Variants in GRAMD1C observed in about 807,000 individuals in gnomAD.
GRAMD1C encodes GRAM domain containing 1C.
A neutral mutation model predicts 97.8 loss-of-function variants in GRAMD1C; 89 were observed. The ratio of observed to expected loss-of-function variants is 0.91; its 90% CI spans 0.77 to 1.09. The LOEUF is 1.09. Ranked by LOEUF, GRAMD1C falls within the 50% of genes least tolerant of loss-of-function variation. The pLI is 0.00. For missense variants in GRAMD1C, 740 were observed against 766.4 expected, an observed-to-expected ratio of 0.97 and a Z score of 0.41; for synonymous variants, 256 against 267.0, an observed-to-expected ratio of 0.96 and a Z score of 0.40.
intron 2 of GRAMD1C, among the ~76,000 whole-genome samples, chr3:113,854,180 A>C (rs1022550929): frequency 4.6e-5 from 7 of 151,846 alleles, no homozygotes; most frequent in African/African-American, 1.5e-4. Context: ...TGCATGTTTG[A>C]TATATGGATA....
At chr3:113,863,898 C>G (rs1934490440) in intron 2 of GRAMD1C, among the ~76,000 whole-genome samples, 1 of 152,130 alleles carries the variant, frequency 6.6e-6, no homozygotes, top group African/African-American at 2.4e-5. Context: ...CAGAAGGTCC[C>G]TTTTAGCTAT....
At chr3:113,904,345 G>T in intron 8 of GRAMD1C, 73 bp downstream of exon 8, 1 of 1,050,226 alleles carries the variant, frequency 9.5e-7, no homozygotes. Flanking sequence ...GATAAATAAG[G>T]ATACAGTATA....
At chr3:113,854,474 C>G (rs1185941493) in intron 2 of GRAMD1C, among the ~76,000 whole-genome samples, 2 of 152,054 alleles carry the variant, frequency 1.3e-5, no homozygotes, top group African/African-American at 4.8e-5. Flanking sequence ...GTGAAGGAAG[C>G]CTTTCAAGGA....
chr3:113,904,564 G>C (rs1446450193), intron 8 of GRAMD1C, among the ~76,000 whole-genome samples: 1 of 151,536 alleles, frequency 6.6e-6, no homozygotes, highest in East Asian at 1.9e-4. Context: ...TTTGTAAGTA[G>C]CAGAATTTTC....
At chr3:113,857,625 C>G (rs1024398384) in intron 2 of GRAMD1C, among the ~76,000 whole-genome samples, 3 of 152,282 alleles carry the variant, frequency 2.0e-5, no homozygotes, top group African/African-American at 7.2e-5. Context: ...ATCCTCCCAC[C>G]TTGGCCTCCC....
At chr3:113,832,216 T>C (rs1386293525) in intron 1 of GRAMD1C, among the ~76,000 whole-genome samples, 2 of 151,934 alleles carry the variant, frequency 1.3e-5, no homozygotes, top group Admixed American at 6.6e-5. Context: ...TTAGTAGAGA[T>C]AGGGTTTCAC....
intron 6 of GRAMD1C, among the ~76,000 whole-genome samples, chr3:113,898,294 T>G (rs1936014598): frequency 6.6e-6 from 1 of 152,180 alleles, no homozygotes. Flanking sequence ...TGTAATCGTT[T>G]GATATCTATT....
chr3:113,869,586 T>C lies in GRAMD1C; in HGVS notation c.254T>C (p.Ile85Thr), dbSNP rs1419300430. ...FTHLPDTERL[I>T]ADYACALQRD... ...CATCTACCTGATACAGAGAGGCTGA[T>C]AGCAGGTAAAATAGAAATTTTCAAA... is the stretch of plus-strand genomic sequence containing the variant. The change falls in exon 3 of 18, where the codon ATA (isoleucine) becomes ACA (threonine). Residue 85 changes from isoleucine to threonine, a missense_variant. By Grantham distance (89) the Ile-to-Thr change is moderately conservative. Coordinates refer to ENST00000358160, the MANE Select transcript of GRAMD1C (RefSeq NM_017577.5). 4.2e-6 allele frequency: 6 copies of C among 1,442,364 alleles called. No homozygotes were observed. The highest frequency in any genetic ancestry group is 1.4e-5 in the African/African-American group (1 of 70,096). The allele number at this position is 1,442,364 out of a possible 1,614,324, so 89.3% of individuals were successfully genotyped here.
At chr3:113,851,652 G>A (rs537724839) in intron 2 of GRAMD1C, among the ~76,000 whole-genome samples, 1 of 151,092 alleles carries the variant, frequency 6.6e-6, no homozygotes, top group South Asian at 2.1e-4. Context: ...CTGAGTAGCT[G>A]GGACTACAGG....
chr3:113,857,164 A>C (rs536597256), intron 2 of GRAMD1C, among the ~76,000 whole-genome samples: 39 of 130,088 alleles, frequency 3.0e-4, no homozygotes, highest in East Asian at 1.0e-3. Flanking sequence ...TTCCTTAAAA[A>C]AAACAAACAA....
At chr3:113,828,558 C>G (rs1051213608) in intron 1 of GRAMD1C, among the ~76,000 whole-genome samples, 2 of 152,204 alleles carry the variant, frequency 1.3e-5, no homozygotes, top group Non-Finnish European at 2.9e-5. Flanking sequence ...CTTCCAGACT[C>G]TTTTCCTTCA....
chr3:113,901,202 T>C (rs150443234), intron 7 of GRAMD1C, 56 bp downstream of exon 7: 1 of 899,756 alleles, frequency 1.1e-6, no homozygotes, highest in East Asian at 2.5e-5. Flanking sequence ...CAAAGCAGAA[T>C]TATTTTACAT....
chr3:113,921,832 T>C (rs1245371894), intron 10 of GRAMD1C, among the ~76,000 whole-genome samples: 1 of 152,224 alleles, frequency 6.6e-6, no homozygotes, highest in Non-Finnish European at 1.5e-5. Context: ...TATTAATTTC[T>C]TTAAGTTCCT....
At chr3:113,920,924 C>A (rs1471198305) in intron 10 of GRAMD1C, among the ~76,000 whole-genome samples, 1 of 152,092 alleles carries the variant, frequency 6.6e-6, no homozygotes. Context: ...TGTTTCTGAT[C>A]TTTTAGTTTC....
intron 8 of GRAMD1C, among the ~76,000 whole-genome samples, chr3:113,905,190 C>T (rs890362108): frequency 6.6e-6 from 1 of 152,202 alleles, no homozygotes; most frequent in African/African-American, 2.4e-5. Flanking sequence ...TTATTTGATT[C>T]TCAGTTTGCT....
In GRAMD1C at chr3:113,865,649, T is replaced by A. The variant is rs574813546; in HGVS notation, c.175-3858T>A. On this transcript the variant is annotated intron_variant, in intron 2 of 17. Transcript: ENST00000358160. ...TTCAAATGTTAAATTTTAAAAAAAA[T>A]TTTTATTGTTTCAAATATTGCATCT... Among the ~76,000 whole-genome samples, 612 of 152,270 alleles carry A rather than the reference T, an allele frequency of 4.0e-3. 2 individuals carry two copies. The highest frequency in any genetic ancestry group is 6.8e-3 in the Middle Eastern group (2 of 294).
At chr3:113,831,452 G>A (rs1227260332) in intron 1 of GRAMD1C, among the ~76,000 whole-genome samples, 1 of 151,622 alleles carries the variant, frequency 6.6e-6, no homozygotes, top group East Asian at 1.9e-4. Flanking sequence ...AAAATTTTTT[G>A]TAGATCTTTA....
chr3:113,865,498 G>A (rs1934550252), intron 2 of GRAMD1C, among the ~76,000 whole-genome samples: 1 of 152,112 alleles, frequency 6.6e-6, no homozygotes, highest in Non-Finnish European at 1.5e-5. Context: ...GAGTTTTACT[G>A]TATTTACATA....
In GRAMD1C at chr3:113,862,600, C is replaced by T. The variant is rs183939371; in HGVS notation, c.175-6907C>T. Among the ~76,000 whole-genome samples, 14 of 152,160 alleles carry T rather than the reference C, an allele frequency of 9.2e-5. No individual in the cohort carries two copies. The East Asian group carries it at 2.5e-3, about 27-fold the overall frequency. ...GCAGTTAACGCAATCATCACAGGGT[C>T]CTGAGGTGACATACATCCTCCTCAG... On this transcript the variant is annotated intron_variant, in intron 2 of 17. Transcript: ENST00000358160.
Sources: gnomAD v4.1 joint callset for allele counts (sites outside exome capture counted in the v4.1 genomes callset) on GRCh38, gnomAD v4.1.1 for gene constraint, MANE v1.5 for transcripts, NCBI Gene and HGNC (gene_info 2026-07-23, HGNC 2026-07-21) for gene names.